B3GAT1: variants seen among roughly 807,000 people sequenced by gnomAD.
B3GAT1 encodes the protein beta-1,3-glucuronyltransferase 1, also known as galactosylgalactosylxylosylprotein 3-beta-glucuronosyltransferase 1.
Under a neutral mutation model 28.4 loss-of-function variants are expected in B3GAT1, and 11 were observed. The observed-to-expected ratio is 0.39, with a 90% CI of 0.24 to 0.64. The LOEUF (loss-of-function observed/expected upper bound fraction) is 0.64, where lower values mean the gene tolerates loss of function less well. B3GAT1 is among the 30% of genes least tolerant of loss of function. The pLI, the probability that B3GAT1 is intolerant of heterozygous loss-of-function variation, is 0.50. For synonymous variants in B3GAT1, 255 were observed against 223.1 expected, an observed-to-expected ratio of 1.14 and a Z score of -1.27; for missense variants, 375 against 491.0, an observed-to-expected ratio of 0.76 and a Z score of 2.23.
chr11:134,388,351 G>A (rs142250720), intron 1 of B3GAT1: 140 of 168,688 alleles, frequency 8.3e-4, no homozygotes, highest in South Asian at 2.2e-3. Flanking sequence ...GGTAACTCCC[G>A]TGCAGCCCTA....
At chr11:134,408,442 G>A (rs113434164) in intron 1 of B3GAT1, among the ~76,000 whole-genome samples, 24 of 19,358 alleles carry the variant, frequency 1.2e-3, no homozygotes, top group African/African-American at 1.2e-3. Flanking sequence ...ACCGACTCCA[G>A]TGGGGTGAGG....
chr11:134,387,450 G>A (rs1287131312), intron 2 of B3GAT1, 98 bp downstream of exon 2: 10 of 1,497,998 alleles, frequency 6.7e-6, no homozygotes, highest in Admixed American at 3.8e-5. Context: ...GTTCCTCCTA[G>A]CTGCTAAGTG....
chr11:134,405,389 C>G (rs988686641), intron 1 of B3GAT1, among the ~76,000 whole-genome samples: 6 of 152,222 alleles, frequency 3.9e-5, no homozygotes, highest in Non-Finnish European at 8.8e-5. Context: ...GGTCACCCGC[C>G]TGGTGAGGTC....
At chr11:134,381,903 C>T (rs1944132820) in intron 5 of B3GAT1, 21 bp downstream of exon 5, 2 of 1,594,642 alleles carry the variant, frequency 1.3e-6, no homozygotes, top group South Asian at 1.1e-5. Context: ...AGTGTGTGGC[C>T]CACCCTCGTC....
At chr11:134,390,032 C>A (rs114606753) in intron 1 of B3GAT1, 1,718 of 152,410 alleles carry the variant, frequency 0.011, 37 homozygotes, top group African/African-American at 0.039. Context: ...GAGTCTCCCC[C>A]ACCCATTCCC....
At chr11:134,394,035 G>A (rs549754000) in intron 1 of B3GAT1, among the ~76,000 whole-genome samples, 11 of 152,140 alleles carry the variant, frequency 7.2e-5, no homozygotes, top group East Asian at 1.9e-4. Flanking sequence ...ACCTAACCCC[G>A]GCCCTCCTGC....
Position 134,393,885 on chromosome 11 carries a change from G to T in B3GAT1, c.-281-5945C>A, listed in dbSNP as rs1944456468. Reference sequence around the variant, plus strand: ...GAACCCCAGTGCCCCCAAAGAGAGGGAGGGACAGGCTTTGTCCCACAGATC... The same window carrying T: ...GAACCCCAGTGCCCCCAAAGAGAGGTAGGGACAGGCTTTGTCCCACAGATC... On this transcript the variant is annotated intron_variant, in intron 1 of 5. Coordinates refer to ENST00000312527, the MANE Select transcript of B3GAT1 (RefSeq NM_054025.3). This position sits in a 1 kb window ranked among gnomAD's most constrained non-coding sequence, Gnocchi z 4.0. 6.6e-6 allele frequency among the ~76,000 whole-genome samples: 1 copy of T among 152,210 alleles called. No individual in the cohort carries two copies. Among genetic ancestry groups the T allele is most frequent in the Admixed American group, 6.5e-5 (1 of 15,286 alleles).
intron 1 of B3GAT1, chr11:134,388,910 T>C (rs568039827): frequency 6.6e-6 from 1 of 152,390 alleles, no homozygotes; most frequent in Admixed American, 6.5e-5. Flanking sequence ...AGTGCTGCGA[T>C]GAACATACAG....
intron 1 of B3GAT1, among the ~76,000 whole-genome samples, chr11:134,405,096 G>C (rs1045792768): frequency 6.6e-6 from 1 of 151,924 alleles, no homozygotes; most frequent in Non-Finnish European, 1.5e-5. Flanking sequence ...AAGCAGGGCT[G>C]GGGGGGTGAC....
rs1201917186 is a variant in B3GAT1 at position 134,383,692 on chromosome 11, C to T, written c.609G>A (p.Glu203=). 4.4e-6 allele frequency: 7 copies of T among 1,580,244 alleles called. No homozygotes were observed. Among genetic ancestry groups the T allele is most frequent in the Non-Finnish European group, 6.0e-6 (7 of 1,158,622 alleles). The change falls in exon 3 of 6, where the codon GAG becomes GAA. Residue 203 remains glutamate (E), a synonymous_variant. Transcript: ENST00000312527. ...FADDDNTYSL[E]LFEEMRSTRR... ...GGCCCTCCCTCACCTCTTCGAAGAG[C>T]TCCAGGCTGTAGGTGTTGTCGTCGT...
intron 1 of B3GAT1, among the ~76,000 whole-genome samples, chr11:134,408,230 T>A (rs5020299): frequency 1.2e-5 from 1 of 84,082 alleles, no homozygotes; most frequent in East Asian, 3.2e-4. Context: ...AGCCTGCACC[T>A]ATTCTAGTGG....
Position 134,379,405 on chromosome 11 carries a change from G to C in B3GAT1, c.*1357C>G, listed in dbSNP as rs1469761414. On this transcript the variant is annotated 3_prime_UTR_variant, in exon 6 of 6. Coordinates refer to ENST00000312527, the MANE Select transcript of B3GAT1 (RefSeq NM_054025.3). ...TTCCAACTTGCAGGAGAATGAGCCG[G>C]ATCACCACTAGAGAGCCCGGCTGGG... 6.6e-6 allele frequency: 1 copy of C among 152,460 alleles called. No individual in the cohort carries two copies. The highest frequency in any genetic ancestry group is 1.5e-5 in the Non-Finnish European group (1 of 68,030). The allele number at this position is 152,460 out of a possible 1,614,324, so 9.4% of individuals were successfully genotyped here. A position where few individuals can be genotyped will look rare whatever the true frequency, so the allele number is the denominator to read the frequency against.
intron 1 of B3GAT1, among the ~76,000 whole-genome samples, chr11:134,397,214 GTGATCTCTC>G (rs1196796904): frequency 6.6e-6 from 1 of 152,108 alleles, no homozygotes; most frequent in Admixed American, 6.5e-5. Flanking sequence ...GGCCCTTATG[GTGATCTCTC>G]TGACGCCTGC....
In B3GAT1 at chr11:134,387,617, G is replaced by A. The variant is rs751071051; in HGVS notation, c.43C>T (p.Leu15=). The A allele has an allele frequency of 6.2e-7, 1 of 1,614,186 alleles. No homozygotes were observed. The highest frequency in any genetic ancestry group is 1.1e-5 in the South Asian group (1 of 91,082). The change falls in exon 2 of 6, where the codon CTG becomes TTG. Residue 15 remains leucine (L), a synonymous_variant. Coordinates refer to ENST00000312527, the MANE Select transcript of B3GAT1 (RefSeq NM_054025.3). ...RDILAIVLIV[L]PWTLLITVWH... ...ACAGTGATGAGCAGAGTCCAGGGCA[G>A]CACGATGAGGACGATCGCTAGGATG...
chr11:134,403,149 C>T (rs1412747176), intron 1 of B3GAT1, among the ~76,000 whole-genome samples: 1 of 152,144 alleles, frequency 6.6e-6, no homozygotes, highest in East Asian at 1.9e-4. Context: ...GGTCCACCAC[C>T]GACATGTAGC....
chr11:134,388,271 C>T (rs926985482), intron 1 of B3GAT1: 1 of 225,728 alleles, frequency 4.4e-6, no homozygotes, highest in African/African-American at 2.2e-5. Context: ...CTCCATGCCA[C>T]AGTTTTCCCA....
intron 1 of B3GAT1, among the ~76,000 whole-genome samples, chr11:134,404,864 C>CT (rs1262309759): frequency 6.6e-6 from 1 of 152,234 alleles, no homozygotes; most frequent in African/African-American, 2.4e-5. Flanking sequence ...CAGAAACTCT[C>CT]TGACCGTGAG....
At chr11:134,410,207 C>T (rs957016086) in intron 1 of B3GAT1, among the ~76,000 whole-genome samples, 2 of 152,204 alleles carry the variant, frequency 1.3e-5, no homozygotes, top group African/African-American at 4.8e-5. Context: ...TTACCTGCCC[C>T]CTGCTTCTGG....
At chr11:134,381,674 T>C (rs1013994122) in intron 5 of B3GAT1, 2 of 465,914 alleles carry the variant, frequency 4.3e-6, no homozygotes, top group Non-Finnish European at 7.8e-6. Context: ...ATCAGCAAGA[T>C]GTTTGGAAGG....
Sources: gnomAD v4.1 joint callset for allele counts (sites outside exome capture counted in the v4.1 genomes callset) on GRCh38, gnomAD v4.1.1 for gene constraint, Gnocchi (gnomAD v3.1) non-coding constraint, MANE v1.5 for transcripts, NCBI Gene and HGNC (gene_info 2026-07-23, HGNC 2026-07-21) for gene names.